STK32C: variants seen among roughly 807,000 people sequenced by gnomAD.
STK32C encodes serine/threonine kinase 32C, also known as serine/threonine-protein kinase 32C.
Under a neutral mutation model 56.5 loss-of-function variants are expected in STK32C, and 31 were observed. The ratio of observed to expected loss-of-function variants is 0.55; its 90% CI spans 0.41 to 0.74. The LOEUF (loss-of-function observed/expected upper bound fraction) is 0.74. Ranked by LOEUF, STK32C falls within the 30% of genes least tolerant of loss-of-function variation. The pLI, the probability that STK32C is intolerant of heterozygous loss-of-function variation, is 0.00. For synonymous variants in STK32C, 309 were observed against 289.4 expected (o/e 1.07, Z -0.69); for missense variants, 544 against 676.9 (o/e 0.80, Z 2.18).
chr10:132,303,063 C>T (rs1351137091), intron 1 of STK32C, among the ~76,000 whole-genome samples: 2 of 152,254 alleles, frequency 1.3e-5, no homozygotes, highest in Non-Finnish European at 2.9e-5. Context: ...CGTTCCTTCA[C>T]ATCAGCAGCA....
chr10:132,282,534 T>C (rs1352833360), intron 1 of STK32C, among the ~76,000 whole-genome samples: 3 of 150,272 alleles, frequency 2.0e-5, no homozygotes, highest in Admixed American at 2.0e-4. Context: ...TGTGCCCACC[T>C]GTACCTGCGC....
chr10:132,260,687 C>T (rs1054638576), intron 1 of STK32C, among the ~76,000 whole-genome samples: 6 of 152,238 alleles, frequency 3.9e-5, no homozygotes, highest in Admixed American at 6.5e-5. Context: ...GCCCCGTGAT[C>T]GAGTCTGTGC....
intron 2 of STK32C, among the ~76,000 whole-genome samples, chr10:132,231,703 T>C (rs1565087114): frequency 6.6e-6 from 1 of 152,168 alleles, no homozygotes; most frequent in Non-Finnish European, 1.5e-5. Flanking sequence ...AAGCCAATGA[T>C]AGACACCCTG....
At chr10:132,320,467 G>T (rs1278029248), downstream of STK32C, among the ~76,000 whole-genome samples, 1 of 152,014 alleles carries the variant, frequency 6.6e-6, no homozygotes, top group Non-Finnish European at 1.5e-5. Flanking sequence ...AAGAGGGTGG[G>T]TCCACAGGAG....
rs1179696997 is a variant in STK32C at position 132,257,264 on chromosome 10, C to T, written c.263-11309G>A. 2.0e-5 allele frequency among the ~76,000 whole-genome samples: 3 copies of T among 152,224 alleles called. No homozygotes were observed. The East Asian group carries it at 5.8e-4, about 29-fold the overall frequency. ...TGGGTGGGTCAAGGCTGGAAAAAGCCCTGTCCACGTGTCTGTCCTTCCATC... is the reference window on the plus strand; with the variant it reads ...TGGGTGGGTCAAGGCTGGAAAAAGCTCTGTCCACGTGTCTGTCCTTCCATC... On this transcript the variant is annotated intron_variant, in intron 1 of 11. Coordinates refer to ENST00000298630, the MANE Select transcript of STK32C (RefSeq NM_173575.4).
At chr10:132,238,781 G>A (rs1480558535) in intron 2 of STK32C, among the ~76,000 whole-genome samples, 3 of 151,796 alleles carry the variant, frequency 2.0e-5, no homozygotes, top group East Asian at 1.9e-4. Context: ...TGCAATGCAT[G>A]CACACACACA....
At chr10:132,322,819 GGTTCTC>G (rs2066435007), downstream of STK32C, among the ~76,000 whole-genome samples, 1 of 152,162 alleles carries the variant, frequency 6.6e-6, no homozygotes. Flanking sequence ...TGGAGGTCGT[GGTTCTC>G]TGCTCTCTCC....
At chr10:132,230,115 G>A (rs921023659) in intron 2 of STK32C, among the ~76,000 whole-genome samples, 5 of 152,240 alleles carry the variant, frequency 3.3e-5, no homozygotes, top group African/African-American at 9.6e-5. Context: ...GAGAACAGAC[G>A]GAGACTAAGC....
chr10:132,277,507 C>T (rs1334021778), intron 1 of STK32C, among the ~76,000 whole-genome samples: 2 of 152,238 alleles, frequency 1.3e-5, no homozygotes, highest in South Asian at 2.1e-4. Flanking sequence ...CTGTGCCCAC[C>T]GCCTTGCTGG....
chr10:132,226,741 T>C, intron 4 of STK32C, 54 bp downstream of exon 4: 1 of 1,588,100 alleles, frequency 6.3e-7, no homozygotes, highest in Non-Finnish European at 8.6e-7. Context: ...GACCTAAGGC[T>C]GCTTCAGCCC....
intron 1 of STK32C, among the ~76,000 whole-genome samples, chr10:132,296,232 A>T (rs1181769198): frequency 6.6e-6 from 1 of 151,898 alleles, no homozygotes; most frequent in Admixed American, 6.6e-5. Context: ...TCAAGGTCAT[A>T]AAAAGCAAGT....
Position 132,292,535 on chromosome 10 carries a change from G to A in STK32C, c.262+15037C>T, listed in dbSNP as rs534400382. Among the ~76,000 whole-genome samples the A allele has an allele frequency of 1.4e-4, 22 of 152,156 alleles. No individual in the cohort carries two copies. The South Asian group carries it at 4.1e-3, about 29-fold the overall frequency. On this transcript the variant is annotated intron_variant, in intron 1 of 11. Transcript: ENST00000298630. ...CATAAACACATGCATACATGCACAC[G>A]CATGCACACACTCACATGCTCATGC...
intron 1 of STK32C, among the ~76,000 whole-genome samples, chr10:132,250,959 C>T (rs2063883187): frequency 6.6e-6 from 1 of 152,178 alleles, no homozygotes; most frequent in Non-Finnish European, 1.5e-5. Flanking sequence ...TCCTCCTCTG[C>T]CAGTGGGAGG....
At chr10:132,245,401 T>C (rs971837398) in intron 2 of STK32C, among the ~76,000 whole-genome samples, 9 of 152,182 alleles carry the variant, frequency 5.9e-5, no homozygotes, top group Non-Finnish European at 1.0e-4. Context: ...ATCAGGAAGT[T>C]AGATCTGGTC....
intron 1 of STK32C, among the ~76,000 whole-genome samples, chr10:132,261,022 A>G (rs35739010): frequency 0.33 from 45,038 of 135,616 alleles, 7,640 homozygotes; most frequent in Non-Finnish European, 0.37. Context: ...TCCGACTGGC[A>G]TCCCGACCTC....
upstream of STK32C, among the ~76,000 whole-genome samples, chr10:132,312,815 G>C (rs1209057841): frequency 6.6e-6 from 1 of 152,186 alleles, no homozygotes; most frequent in Non-Finnish European, 1.5e-5. Context: ...CGAGGTGGGC[G>C]GCTCACTTGA....
rs570295111 is a variant in STK32C, at chr10:132,217,390, T to C, written c.1251+5251A>G. On this transcript the variant is annotated intron_variant, in intron 10 of 11. Coordinates refer to ENST00000298630, the MANE Select transcript of STK32C (RefSeq NM_173575.4). ...CCCCTATTGTATCTAGGAAGTCACT[T>C]GCTTTTGATTTTACAGACTCATAGG... Among the ~76,000 whole-genome samples, 55 of 152,366 alleles carry C rather than the reference T, an allele frequency of 3.6e-4. 1 individual carries two copies. Among genetic ancestry groups the C allele is most frequent in the Middle Eastern group, 3.4e-3 (1 of 294 alleles).
intron 1 of STK32C, among the ~76,000 whole-genome samples, chr10:132,295,284 C>T (rs1466481487): frequency 6.6e-6 from 1 of 152,184 alleles, no homozygotes; most frequent in Non-Finnish European, 1.5e-5. Flanking sequence ...GAAACCAGGG[C>T]TCCTTGGAGA....
intron 10 of STK32C, among the ~76,000 whole-genome samples, chr10:132,218,099 A>G (rs2062525571): frequency 6.6e-6 from 1 of 151,904 alleles, no homozygotes; most frequent in Non-Finnish European, 1.5e-5. Flanking sequence ...AGGTGGGAGG[A>G]CTCCAAGAGT....
Sources: gnomAD v4.1 joint callset for allele counts (sites outside exome capture counted in the v4.1 genomes callset) on GRCh38, gnomAD v4.1.1 for gene constraint, MANE v1.5 for transcripts, NCBI Gene and HGNC (gene_info 2026-07-23, HGNC 2026-07-21) for gene names.